Variants in WLS observed in about 807,000 individuals in gnomAD.
The protein encoded by WLS is protein wntless homolog.
WLS carries 23 observed loss-of-function variants against 62.8 expected under a neutral mutation model. That is an observed-to-expected ratio of 0.37 (90% CI 0.26 to 0.52). WLS has a LOEUF of 0.52. WLS is among the 20% of genes least tolerant of loss of function. WLS has a pLI of 0.92. For synonymous variants in WLS, 246 were observed against 244.1 expected (o/e 1.01, Z -0.07); for missense variants, 615 against 697.3 (o/e 0.88, Z 1.33).
At chr1:68,162,518 C>T (rs1808599) in intron 2 of WLS, 1,215,169 of 1,611,348 alleles carry the variant, frequency 0.75, 464,191 homozygotes, top group Admixed American at 0.82. Flanking sequence ...ACCGCCTACC[C>T]CCTGCGATCA....
chr1:68,141,550 C>A (rs1018864056), intron 10 of WLS: 1 of 152,204 alleles, frequency 6.6e-6, no homozygotes, highest in Non-Finnish European at 1.5e-5. Flanking sequence ...AAGGTCACTG[C>A]ATTCCACAGC....
At chr1:68,146,110 T>C in intron 8 of WLS, 98 bp from the exon 9 acceptor site, 1 of 1,384,010 alleles carries the variant, frequency 7.2e-7, no homozygotes, top group Non-Finnish European at 9.8e-7. Flanking sequence ...ACTTGTTTTG[T>C]CTCCAAATAT....
chr1:68,123,288 C>T (rs1488205504), downstream of WLS, among the ~76,000 whole-genome samples: 1 of 152,184 alleles, frequency 6.6e-6, no homozygotes, highest in Non-Finnish European at 1.5e-5. Context: ...TGCTGCTGAA[C>T]CTCTGAGGAC....
At chr1:68,124,896 G>T (rs1646406895), downstream of WLS, among the ~76,000 whole-genome samples, 1 of 152,164 alleles carries the variant, frequency 6.6e-6, no homozygotes, top group African/African-American at 2.4e-5. Context: ...TATGTGGCTT[G>T]CTGTTCATAA....
Position 68,159,231 on chromosome 1 carries a change from G to A in WLS, c.396C>T (p.Val132=). 1 of 1,613,798 alleles carries A rather than the reference G, an allele frequency of 6.2e-7. No individual in the cohort carries two copies. Among genetic ancestry groups the A allele is most frequent in the Non-Finnish European group, 8.5e-7 (1 of 1,179,926 alleles). ...LNNQIRENAE[V]SMDVSLAYRD... Reference sequence around the variant, plus strand: ...GGTAAGCCAGGGAAACGTCCATGGAGACTTCTGCATTTTCTCCTGCAAGAG... The same window carrying A: ...GGTAAGCCAGGGAAACGTCCATGGAAACTTCTGCATTTTCTCCTGCAAGAG... The change falls in exon 3 of 12, where the codon GTC becomes GTT. Residue 132 remains valine (V), a synonymous_variant. Coordinates refer to ENST00000262348, the MANE Select transcript of WLS (RefSeq NM_024911.7).
chr1:68,150,097 T>C (rs1646805591), intron 6 of WLS, 91 bp downstream of exon 6: 7 of 1,386,476 alleles, frequency 5.0e-6, no homozygotes, highest in Non-Finnish European at 7.0e-6. Context: ...TCTCACCCAC[T>C]GCTGACTAGA....
At chr1:68,164,812 G>A (rs1647037696) in intron 2 of WLS, among the ~76,000 whole-genome samples, 1 of 152,158 alleles carries the variant, frequency 6.6e-6, no homozygotes, top group South Asian at 2.1e-4. Context: ...ATCTGTGCAA[G>A]ATCCAAGGAG....
At chr1:68,098,826 C>A in intron 11 of WLS, 1 of 1,528,012 alleles carries the variant, frequency 6.5e-7, no homozygotes, top group Non-Finnish European at 8.8e-7. Context: ...GAGTTTAGGA[C>A]CAAGGCTCAG....
intron 2 of WLS, chr1:68,162,987 A>T: frequency 6.3e-7 from 1 of 1,591,984 alleles, no homozygotes. Flanking sequence ...CAGCGCCACC[A>T]GGGGGCAGGA....
chr1:68,220,444 C>T (rs1327064476), intron 1 of WLS, among the ~76,000 whole-genome samples: 1 of 152,176 alleles, frequency 6.6e-6, no homozygotes, highest in African/African-American at 2.4e-5. Flanking sequence ...TCATTTAAAT[C>T]CCACAACCCC....
chr1:68,187,986 G>C (rs1459957181), intron 2 of WLS, among the ~76,000 whole-genome samples: 1 of 152,064 alleles, frequency 6.6e-6, no homozygotes, highest in Non-Finnish European at 1.5e-5. Flanking sequence ...CAATGATTCT[G>C]ATGCCAAGTT....
At chr1:68,157,580 C>CT (rs11378232) in intron 3 of WLS, among the ~76,000 whole-genome samples, 135,572 of 146,812 alleles carry the variant, frequency 0.92, 62,613 homozygotes, top group Admixed American at 0.95. Context: ...GGCAACTTGA[C>CT]TTTTTTTTTT....
intron 10 of WLS, among the ~76,000 whole-genome samples, chr1:68,138,903 G>A (rs906096774): frequency 1.3e-5 from 2 of 152,184 alleles, no homozygotes; most frequent in Non-Finnish European, 2.9e-5. Flanking sequence ...ATTGTAAGAT[G>A]GCAGGCTAGA....
At chr1:68,216,599 T>G (rs1649737508) in intron 1 of WLS, among the ~76,000 whole-genome samples, 1 of 152,182 alleles carries the variant, frequency 6.6e-6, no homozygotes, top group African/African-American at 2.4e-5. Flanking sequence ...GGGCAGGCCC[T>G]CTCTACATTC....
intron 10 of WLS, chr1:68,141,434 G>A (rs1033851290): frequency 6.6e-6 from 1 of 152,140 alleles, no homozygotes; most frequent in Non-Finnish European, 1.5e-5. Flanking sequence ...GAGGGAAGGG[G>A]CTGAAATACC....
chr1:68,196,465 T>C lies in WLS; in HGVS notation c.107-2238A>G, dbSNP rs180923957. Among the ~76,000 whole-genome samples, 437 of 152,212 alleles carry C rather than the reference T, an allele frequency of 2.9e-3. 1 individual carries two copies. The highest frequency in any genetic ancestry group is 0.02 in the Middle Eastern group (6 of 294). On this transcript the variant is annotated intron_variant, in intron 1 of 11. Transcript: ENST00000262348. ...TTATGTTTGCAGAAATTCTCTCTTA[T>C]TTAATAGAGATCAGATAGCAATGGA...
At chr1:68,206,883 A>T (rs1649302491) in intron 1 of WLS, among the ~76,000 whole-genome samples, 1 of 152,202 alleles carries the variant, frequency 6.6e-6, no homozygotes, top group Admixed American at 6.5e-5. Flanking sequence ...AGTTCCTACA[A>T]ATTAGGGTCA....
At chr1:68,105,343 C>T (rs1646128992) in intron 11 of WLS, among the ~76,000 whole-genome samples, 1 of 152,142 alleles carries the variant, frequency 6.6e-6, no homozygotes, top group South Asian at 2.1e-4. Context: ...TTTTATGCTA[C>T]TTAATTGTTT....
At chr1:68,209,187 T>G (rs1294605233) in intron 1 of WLS, among the ~76,000 whole-genome samples, 1 of 152,160 alleles carries the variant, frequency 6.6e-6, no homozygotes, top group Non-Finnish European at 1.5e-5. Flanking sequence ...CATTGCCAAA[T>G]ATTCCCTGGG....
Sources: allele counts gnomAD v4.1 joint callset (sites outside exome capture counted in the v4.1 genomes callset), GRCh38; gene constraint gnomAD v4.1.1; transcripts MANE v1.5; gene names NCBI Gene and HGNC (gene_info 2026-07-23, HGNC 2026-07-21).